The following VPS13B variants were observed in gnomAD, a reference collection of about 807,000 sequenced individuals.
VPS13B encodes vacuolar protein sorting 13 homolog B.
Under a neutral mutation model 426.4 loss-of-function variants are expected in VPS13B, and 285 were observed. That is an observed-to-expected ratio of 0.67 (90% CI 0.61 to 0.74). VPS13B has a LOEUF of 0.74. Among genes scored for constraint, VPS13B ranks in the 30% least tolerant of loss-of-function variants. The probability of loss-of-function intolerance (pLI) is 0.00; values close to 1 mark genes in which losing one functional copy is unlikely to be tolerated. For synonymous variants in VPS13B, 1,676 were observed against 1,676.4 expected (o/e 1.00, Z 0.01); for missense variants, 4,537 against 4,782.6 (o/e 0.95, Z 1.51).
intron 25 of VPS13B, among the ~76,000 whole-genome samples, chr8:99,485,839 A>ATAG (rs1820272132): frequency 6.6e-6 from 1 of 152,228 alleles, no homozygotes; most frequent in Non-Finnish European, 1.5e-5. Flanking sequence ...AAGTATTTAT[A>ATAG]TAGTCTCCTC....
Position 99,815,190 on chromosome 8 carries a change from A to G in VPS13B, c.8098-2350A>G, listed in dbSNP as rs563781059. On this transcript the variant is annotated intron_variant, in intron 44 of 61. Coordinates refer to ENST00000357162, the MANE Select transcript of VPS13B (RefSeq NM_152564.5). ...GACTCGTGATTATGAAACATGACAT[A>G]ATCTTAGAGAAGTCCCAAGATCTGC... 1.2e-4 allele frequency among the ~76,000 whole-genome samples: 19 copies of G among 152,102 alleles called. No individual in the cohort carries two copies. In the East Asian group the frequency reaches 2.3e-3, roughly 19 times the overall value.
intron 25 of VPS13B, among the ~76,000 whole-genome samples, chr8:99,493,272 TATTAG>T (rs1271101388): frequency 6.6e-6 from 1 of 152,174 alleles, no homozygotes; most frequent in Non-Finnish European, 1.5e-5. Flanking sequence ...CATCTTTTGG[TATTAG>T]ATTAGAAGTT....
chr8:99,342,427 C>A (rs766455976), intron 19 of VPS13B, among the ~76,000 whole-genome samples: 6 of 152,208 alleles, frequency 3.9e-5, no homozygotes, highest in African/African-American at 4.8e-5. Context: ...CCTCTGGTAA[C>A]CATCATTCTG....
chr8:99,665,068 A>G (rs373321181), intron 35 of VPS13B, among the ~76,000 whole-genome samples: 16 of 152,162 alleles, frequency 1.1e-4, no homozygotes, highest in African/African-American at 2.2e-4. Flanking sequence ...CTGATGGCCA[A>G]TGATGATGAG....
intron 28 of VPS13B, 39 bp from the exon 29 acceptor site, chr8:99,511,065 T>C (rs1474291177): frequency 6.2e-7 from 1 of 1,606,032 alleles, no homozygotes. Flanking sequence ...AAAATCTTTT[T>C]AATGAACTGT....
At chr8:99,463,141 T>C (rs1261336152) in intron 23 of VPS13B, among the ~76,000 whole-genome samples, 5 of 152,230 alleles carry the variant, frequency 3.3e-5, no homozygotes, top group African/African-American at 7.2e-5. Context: ...AGCAAAACTA[T>C]AGGGTAACTA....
intron 19 of VPS13B, among the ~76,000 whole-genome samples, chr8:99,376,107 T>C (rs1813470898): frequency 1.3e-5 from 2 of 152,222 alleles, no homozygotes; most frequent in South Asian, 4.1e-4. Flanking sequence ...TGTGGATAAG[T>C]GAGCCATTTG....
chr8:99,609,349 A>C (rs578189443), intron 33 of VPS13B, among the ~76,000 whole-genome samples: 1 of 152,324 alleles, frequency 6.6e-6, no homozygotes, highest in South Asian at 2.1e-4. Flanking sequence ...AAACCTAAAT[A>C]TTGGGAATTT....
intron 19 of VPS13B, among the ~76,000 whole-genome samples, chr8:99,281,624 A>G (rs1819176130): frequency 6.6e-6 from 1 of 152,220 alleles, no homozygotes; most frequent in African/African-American, 2.4e-5. Context: ...TGATGCAAAT[A>G]TGTTGATACT....
chr8:99,143,322 G>C (rs559973993), intron 13 of VPS13B, among the ~76,000 whole-genome samples, 157 bp downstream of exon 13: 2 of 152,202 alleles, frequency 1.3e-5, no homozygotes, highest in Non-Finnish European at 2.9e-5. Context: ...GAATAAACTT[G>C]TGTGTAGAAG....
intron 17 of VPS13B, among the ~76,000 whole-genome samples, chr8:99,222,069 C>A (rs1815753578): frequency 6.6e-6 from 1 of 152,152 alleles, no homozygotes. Flanking sequence ...TTCAGACTCA[C>A]CCCTCAAATA....
intron 33 of VPS13B, among the ~76,000 whole-genome samples, chr8:99,581,875 G>A (rs577754441): frequency 3.9e-5 from 6 of 152,260 alleles, no homozygotes; most frequent in South Asian, 2.1e-4. Context: ...AGCTCGCTGC[G>A]ATAGTTCACC....
At chr8:99,304,043 T>A (rs917949934) in intron 19 of VPS13B, among the ~76,000 whole-genome samples, 2 of 152,180 alleles carry the variant, frequency 1.3e-5, no homozygotes, top group African/African-American at 4.8e-5. Flanking sequence ...ATAAGCAGAC[T>A]GATTTTTGTC....
chr8:99,692,246 T>A (rs1831709156), intron 35 of VPS13B, among the ~76,000 whole-genome samples: 1 of 148,176 alleles, frequency 6.7e-6, no homozygotes, highest in Admixed American at 6.8e-5. Flanking sequence ...ATACATTTTT[T>A]TCAGCACCAC....
chr8:99,728,471 T>C (rs542151013), intron 39 of VPS13B, among the ~76,000 whole-genome samples: 3 of 152,346 alleles, frequency 2.0e-5, no homozygotes, highest in East Asian at 3.9e-4. Context: ...TCATAAATGG[T>C]AGCTGTTACC....
Position 99,789,109 on chromosome 8 carries a change from TA to T in VPS13B, c.7941+4637del, listed in dbSNP as rs1158129897. 5.3e-5 allele frequency among the ~76,000 whole-genome samples: 8 copies of T among 152,184 alleles called. No homozygotes were observed. In the South Asian group the frequency reaches 1.7e-3, roughly 31 times the overall value. On this transcript the variant is annotated intron_variant, in intron 43 of 61. Transcript: ENST00000357162. ...TTTTGTTTTGTATGTAACAATATTT[TA>T]AAACGAGACCTGGTAATTTTTTCAT...
chr8:99,308,406 A>G (rs1343081300), intron 19 of VPS13B, among the ~76,000 whole-genome samples: 2 of 151,704 alleles, frequency 1.3e-5, no homozygotes, highest in East Asian at 1.9e-4. Context: ...TTCAATTCCC[A>G]CCTATGAGTG....
At chr8:99,475,050 C>T (rs888809051) in intron 24 of VPS13B, among the ~76,000 whole-genome samples, 6 of 151,982 alleles carry the variant, frequency 3.9e-5, no homozygotes, top group Admixed American at 6.6e-5. Context: ...AAATCATTGA[C>T]GAATCTTGAA....
intron 19 of VPS13B, among the ~76,000 whole-genome samples, chr8:99,367,464 TAA>T (rs1183295759): frequency 2.0e-5 from 3 of 152,184 alleles, no homozygotes; most frequent in African/African-American, 7.2e-5. Flanking sequence ...TTAAATTTCA[TAA>T]GATTGTCTTC....
Sources: allele counts gnomAD v4.1 joint callset (sites outside exome capture counted in the v4.1 genomes callset), GRCh38; gene constraint gnomAD v4.1.1; transcripts MANE v1.5; gene names NCBI Gene and HGNC (gene_info 2026-07-23, HGNC 2026-07-21).